The following OPRM1 variants were observed in gnomAD, a reference collection of about 807,000 sequenced individuals.
OPRM1 encodes the protein mu-type opioid receptor.
OPRM1 carries 27 observed loss-of-function variants against 31.8 expected under a neutral mutation model. The observed-to-expected ratio is 0.85, with a 90% confidence interval of 0.63 to 1.17. OPRM1 has a LOEUF of 1.17. Ranked by LOEUF, OPRM1 falls within the 50% of genes most tolerant of loss-of-function variation. The pLI, the probability that OPRM1 is intolerant of heterozygous loss-of-function variation, is 0.00. For synonymous variants in OPRM1, 196 were observed against 189.9 expected (o/e 1.03, Z -0.26); for missense variants, 536 against 511.1 (o/e 1.05, Z -0.47).
intron 3 of OPRM1, among the ~76,000 whole-genome samples, chr6:154,105,414 A>G (rs73574547): frequency 0.032 from 4,943 of 152,326 alleles, 277 homozygotes; most frequent in African/African-American, 0.11. Context: ...CTTGACATTC[A>G]TGAACATTCC....
At chr6:154,115,422 C>T (rs1796760315) in intron 3 of OPRM1, among the ~76,000 whole-genome samples, 1 of 152,098 alleles carries the variant, frequency 6.6e-6, no homozygotes, top group Admixed American at 6.6e-5. Flanking sequence ...TGTCTGTGGT[C>T]CCAGCTACTC....
At chr6:154,223,261 C>T in intron 3 of OPRM1, 1 of 1,591,510 alleles carries the variant, frequency 6.3e-7, no homozygotes, top group Non-Finnish European at 8.6e-7. Flanking sequence ...AAATATATAC[C>T]ACAAATAGGA....
upstream of OPRM1, among the ~76,000 whole-genome samples, chr6:154,036,455 C>G (rs1779302276): frequency 6.6e-6 from 1 of 151,892 alleles, no homozygotes; most frequent in African/African-American, 2.4e-5. Context: ...ATATGAAGCA[C>G]AAAGTTCAAG....
chr6:154,160,983 C>T (rs969881912), intron 3 of OPRM1, among the ~76,000 whole-genome samples: 1 of 152,158 alleles, frequency 6.6e-6, no homozygotes, highest in Non-Finnish European at 1.5e-5. Context: ...ACCCAAGGCT[C>T]CTCACCTGCA....
chr6:154,192,203 G>A (rs944384654), intron 3 of OPRM1, among the ~76,000 whole-genome samples: 15 of 151,950 alleles, frequency 9.9e-5, no homozygotes, highest in African/African-American at 3.6e-4. Context: ...TTCTAAATTG[G>A]TTCCACCAAA....
chr6:154,117,668 T>C (rs546213687), intron 3 of OPRM1, among the ~76,000 whole-genome samples: 1 of 152,276 alleles, frequency 6.6e-6, no homozygotes, highest in African/African-American at 2.4e-5. Flanking sequence ...TGTGACCAGC[T>C]ACAGAAATGA....
At chr6:154,241,809 T>C (rs952249551) in intron 3 of OPRM1, among the ~76,000 whole-genome samples, 1 of 152,184 alleles carries the variant, frequency 6.6e-6, no homozygotes, top group Non-Finnish European at 1.5e-5. Context: ...GGCTCAAGAA[T>C]AGGCAGTGGC....
At chr6:154,078,001 T>C (rs1788260204) in intron 1 of OPRM1, among the ~76,000 whole-genome samples, 2 of 152,192 alleles carry the variant, frequency 1.3e-5, no homozygotes, top group Admixed American at 1.3e-4. Context: ...CTCTCTGCAT[T>C]CCGCAAATTT....
Position 154,129,865 on chromosome 6 carries a change from C to CAA in OPRM1, c.*11145_*11146insAA, listed in dbSNP as rs1262014812. On this transcript the variant is annotated 3_prime_UTR_variant, in exon 4 of 4. Transcript: ENST00000330432. The stretch of plus-strand genomic sequence containing the variant: ...CCTCCCCCCCCAGCACACACACACA[C>CAA]ACACACACACACACACACACAACAT... Among the ~76,000 whole-genome samples the CAA allele has an allele frequency of 7.3e-6, 1 of 136,356 alleles. No homozygotes were observed. Among genetic ancestry groups the CAA allele is most frequent in the African/African-American group, 2.5e-5 (1 of 39,754 alleles). 89.5% of individuals were successfully genotyped at this position (136,356 alleles called of 152,430 possible).
chr6:154,225,812 T>C (rs1779204267), intron 3 of OPRM1, among the ~76,000 whole-genome samples: 1 of 152,240 alleles, frequency 6.6e-6, no homozygotes, highest in African/African-American at 2.4e-5. Context: ...ATTTCCATAA[T>C]TGAAACATCA....
intron 1 of OPRM1, among the ~76,000 whole-genome samples, chr6:154,017,058 TG>T: frequency 6.6e-6 from 1 of 152,306 alleles, no homozygotes; most frequent in Middle Eastern, 3.4e-3. Flanking sequence ...AAGCTGATTT[TG>T]ACACAAAATT....
At chr6:154,236,286 C>T (rs974943486) in intron 3 of OPRM1, among the ~76,000 whole-genome samples, 8 of 152,074 alleles carry the variant, frequency 5.3e-5, no homozygotes, top group Non-Finnish European at 1.0e-4. Context: ...GTAAAATAGG[C>T]CAGTCACAAA....
chr6:154,244,331 T>G (rs2128640094), intron 3 of OPRM1, among the ~76,000 whole-genome samples: 1 of 151,714 alleles, frequency 6.6e-6, no homozygotes, highest in East Asian at 1.9e-4. Flanking sequence ...TGTGTGTTTG[T>G]GGTGGAGAGG....
Position 154,244,301 on chromosome 6 carries a change from G to GGTGTGT in OPRM1, c.1165-2371_1165-2366dup, listed in dbSNP as rs10674508. On this transcript the variant is annotated intron_variant, in intron 3 of 3. Coordinates refer to the OPRM1 transcript ENST00000337049. ...TTAAGATTCGGTGTGTGTGTGGGTG[G>GGTGTGT]GTGTGTGTGTGTGTGTGTGTGTGTG... is the stretch of plus-strand genomic sequence containing the variant. Among the ~76,000 whole-genome samples, 1,103 of 148,034 alleles carry GGTGTGT rather than the reference G, an allele frequency of 7.5e-3. 9 individuals carry two copies. Among genetic ancestry groups the GGTGTGT allele is most frequent in the African/African-American group, 0.019 (747 of 40,184 alleles).
At chr6:154,095,958 T>C (rs1793304399) in intron 3 of OPRM1, among the ~76,000 whole-genome samples, 1 of 152,220 alleles carries the variant, frequency 6.6e-6, no homozygotes, top group African/African-American at 2.4e-5. Context: ...AACTCAAACC[T>C]GAACTGTTGG....
intron 3 of OPRM1, among the ~76,000 whole-genome samples, chr6:154,193,694 C>G (rs371326268): frequency 6.6e-6 from 1 of 152,044 alleles, no homozygotes; most frequent in African/African-American, 2.4e-5. Context: ...CCCTCTACAC[C>G]GCTAGACCAC....
intron 3 of OPRM1, among the ~76,000 whole-genome samples, chr6:154,114,123 G>A (rs1796616118): frequency 6.6e-6 from 1 of 152,144 alleles, no homozygotes; most frequent in South Asian, 2.1e-4. Flanking sequence ...TAATCAACTT[G>A]TACATAGGAC....
chr6:154,051,926 C>G (rs190908371), intron 1 of OPRM1, among the ~76,000 whole-genome samples: 47 of 152,196 alleles, frequency 3.1e-4, no homozygotes, highest in African/African-American at 1.1e-3. Context: ...TGGAACCAAC[C>G]CAAATGCCCA....
rs201278319 is a variant in OPRM1 at position 154,131,879 on chromosome 6, T to TA, written c.*13167dup. On this transcript the variant is annotated 3_prime_UTR_variant, in exon 4 of 4. Transcript: ENST00000330432. ...TGTGATAATGCACAAAAAGGAATGTTAAAAAAAAACACACAACATTGTTTT... is the reference window on the plus strand; with the variant it reads ...TGTGATAATGCACAAAAAGGAATGTTAAAAAAAAAACACACAACATTGTTTT... Among the ~76,000 whole-genome samples, 139 of 149,388 alleles carry TA rather than the reference T, an allele frequency of 9.3e-4. 1 individual carries two copies. Among genetic ancestry groups the TA allele is most frequent in the African/African-American group, 2.7e-3 (108 of 40,704 alleles).
Sources: gnomAD v4.1 joint callset for allele counts (sites outside exome capture counted in the v4.1 genomes callset) on GRCh38, gnomAD v4.1.1 for gene constraint, MANE v1.5 for transcripts, NCBI Gene and HGNC (gene_info 2026-07-23, HGNC 2026-07-21) for gene names.